RUNDC3B: variants seen among roughly 807,000 people sequenced by gnomAD.
The protein encoded by RUNDC3B is RUN domain-containing protein 3B.
In RUNDC3B, 33 loss-of-function variants were observed where a neutral mutation model predicts 58.4. The ratio of observed to expected loss-of-function variants is 0.56; its 90% CI spans 0.43 to 0.75. RUNDC3B has a LOEUF of 0.75. RUNDC3B is among the 30% of genes least tolerant of loss of function. The pLI is 0.00. For missense variants in RUNDC3B, 501 were observed against 535.7 expected, an observed-to-expected ratio of 0.94 and a Z score of 0.64; for synonymous variants, 193 against 195.2, an observed-to-expected ratio of 0.99 and a Z score of 0.10.
intron 6 of RUNDC3B, among the ~76,000 whole-genome samples, chr7:87,768,634 G>A (rs550928089): frequency 4.3e-4 from 66 of 152,306 alleles, no homozygotes; most frequent in African/African-American, 1.4e-3. Flanking sequence ...TCACTTCTCA[G>A]CAGTTTGTCA....
chr7:87,672,691 C>T (rs1825950400), intron 2 of RUNDC3B, among the ~76,000 whole-genome samples: 1 of 152,106 alleles, frequency 6.6e-6, no homozygotes, highest in South Asian at 2.1e-4. Flanking sequence ...ACCGAAGGCC[C>T]TGGTGGAATG....
intron 3 of RUNDC3B, among the ~76,000 whole-genome samples, chr7:87,704,556 C>T (rs1209706166): frequency 6.6e-6 from 1 of 152,202 alleles, no homozygotes; most frequent in Non-Finnish European, 1.5e-5. Flanking sequence ...CTGACCAACT[C>T]TCTTAACAAG....
At chr7:87,703,045 T>C (rs1019591943) in intron 3 of RUNDC3B, among the ~76,000 whole-genome samples, 5 of 152,158 alleles carry the variant, frequency 3.3e-5, no homozygotes, top group African/African-American at 1.2e-4. Context: ...CTTTATTATT[T>C]TGACATTTAG....
At chr7:87,777,127 A>G (rs532569609) in intron 7 of RUNDC3B, among the ~76,000 whole-genome samples, 1 of 152,342 alleles carries the variant, frequency 6.6e-6, no homozygotes, top group South Asian at 2.1e-4. Flanking sequence ...TTAAGAGATT[A>G]TTCCAAGAAG....
chr7:87,773,365 A>G (rs927138545), intron 7 of RUNDC3B, among the ~76,000 whole-genome samples: 114 of 151,742 alleles, frequency 7.5e-4, no homozygotes, highest in African/African-American at 2.5e-3. Flanking sequence ...CAAAGAATAT[A>G]TATCAGTGCT....
At chr7:87,665,160 T>G (rs1156884946) in intron 2 of RUNDC3B, among the ~76,000 whole-genome samples, 1 of 152,138 alleles carries the variant, frequency 6.6e-6, no homozygotes, top group African/African-American at 2.4e-5. Flanking sequence ...AGTTCAATGA[T>G]CCCTGTTTGC....
chr7:87,778,747 A>G (rs1291236133), intron 8 of RUNDC3B, among the ~76,000 whole-genome samples: 2 of 152,154 alleles, frequency 1.3e-5, no homozygotes, highest in African/African-American at 4.8e-5. Context: ...AAAGCAGTAT[A>G]ATAAGCTACT....
intron 6 of RUNDC3B, among the ~76,000 whole-genome samples, chr7:87,767,723 C>T (rs1314207571): frequency 6.6e-6 from 1 of 152,146 alleles, no homozygotes; most frequent in Non-Finnish European, 1.5e-5. Context: ...CCAGCCCCAA[C>T]ATATGGCGGG....
At chr7:87,761,171 TAAA>T (rs1833657268) in intron 6 of RUNDC3B, among the ~76,000 whole-genome samples, 1 of 151,878 alleles carries the variant, frequency 6.6e-6, no homozygotes, top group Admixed American at 6.6e-5. Context: ...GCTAAGGACT[TAAA>T]TAAACATTTC....
intron 4 of RUNDC3B, among the ~76,000 whole-genome samples, chr7:87,712,179 T>C (rs1336636105): frequency 6.6e-6 from 1 of 152,098 alleles, no homozygotes; most frequent in Non-Finnish European, 1.5e-5. Flanking sequence ...AGAAAGACTT[T>C]TGGCTGAAAG....
chr7:87,640,177 C>CTT (rs1369041557), intron 1 of RUNDC3B, among the ~76,000 whole-genome samples: 3 of 148,578 alleles, frequency 2.0e-5, no homozygotes, highest in Non-Finnish European at 4.5e-5. Context: ...CTAAAACATA[C>CTT]TTATATATAT....
chr7:87,655,447 G>A (rs1824000116), intron 2 of RUNDC3B, among the ~76,000 whole-genome samples: 1 of 152,130 alleles, frequency 6.6e-6, no homozygotes, highest in African/African-American at 2.4e-5. Flanking sequence ...GAGACATTAT[G>A]TTGAGTGAAA....
chr7:87,693,465 T>C (rs905920180), intron 2 of RUNDC3B, among the ~76,000 whole-genome samples: 1 of 152,218 alleles, frequency 6.6e-6, no homozygotes, highest in Non-Finnish European at 1.5e-5. Flanking sequence ...ATTTTTAAAC[T>C]TGGAAATTTT....
chr7:87,794,583 A>G (rs574832287), intron 8 of RUNDC3B, among the ~76,000 whole-genome samples: 20 of 152,208 alleles, frequency 1.3e-4, no homozygotes, highest in Non-Finnish European at 2.8e-4. Context: ...TACAGATTCA[A>G]TGCAATTCCT....
chr7:87,658,881 G>A (rs983555211), intron 2 of RUNDC3B, among the ~76,000 whole-genome samples: 3 of 152,162 alleles, frequency 2.0e-5, no homozygotes, highest in Non-Finnish European at 4.4e-5. Flanking sequence ...TAAGCAGAAA[G>A]GAAATGATAA....
Position 87,829,913 on chromosome 7 carries a change from C to G in RUNDC3B, c.1254C>G (p.Gly418=). ...AGGAAGATACTCCCTCATTACTTGG[C>G]CTCTGTGGATCTCTAACGTCAGTGG... is the stretch of plus-strand genomic sequence containing the variant. ...EGKEDTPSLL[G]LCGSLTSVAS... is the part of the protein sequence containing the mutation. Residue 418 remains glycine, a synonymous_variant, in exon 11 of 11, where the codon GGC becomes GGG. Coordinates refer to ENST00000394654, the MANE Select transcript of RUNDC3B (RefSeq NM_001134405.2). The G allele has an allele frequency of 6.2e-7, 1 of 1,606,316 alleles. No individual in the cohort carries two copies. Among genetic ancestry groups the G allele is most frequent in the East Asian group, 2.2e-5 (1 of 44,630 alleles).
intron 3 of RUNDC3B, chr7:87,709,245 C>G (rs1183545177): frequency 4.1e-6 from 4 of 984,668 alleles, no homozygotes; most frequent in Non-Finnish European, 4.8e-6. Context: ...ACAGCATAGT[C>G]TCCTGTGCTG....
intron 8 of RUNDC3B, among the ~76,000 whole-genome samples, chr7:87,795,974 G>A (rs745328659): frequency 3.3e-5 from 5 of 151,762 alleles, no homozygotes; most frequent in Non-Finnish European, 5.9e-5. Flanking sequence ...CAAAAGAAAG[G>A]CAATCAGTAT....
intron 2 of RUNDC3B, among the ~76,000 whole-genome samples, chr7:87,694,415 G>A (rs1828308005): frequency 6.6e-6 from 1 of 152,008 alleles, no homozygotes; most frequent in African/African-American, 2.4e-5. Context: ...TTGAGTTTCT[G>A]CTATATGCAA....
Sources: gnomAD v4.1 joint callset for allele counts (sites outside exome capture counted in the v4.1 genomes callset) on GRCh38, gnomAD v4.1.1 for gene constraint, MANE v1.5 for transcripts, NCBI Gene and HGNC (gene_info 2026-07-23, HGNC 2026-07-21) for gene names.